RSPO2: variants seen among roughly 807,000 people sequenced by gnomAD.
RSPO2 encodes R-spondin-2.
In RSPO2, 14 loss-of-function variants were observed where a neutral mutation model predicts 30.9. That is an observed-to-expected ratio of 0.45 (90% CI 0.30 to 0.71). The LOEUF is 0.71. Among genes scored for constraint, RSPO2 ranks in the 30% least tolerant of loss-of-function variants. The pLI is 0.08. For missense variants in RSPO2, 264 were observed against 301.9 expected (o/e 0.87, Z 0.93); for synonymous variants, 107 against 96.4 (o/e 1.11, Z -0.64).
chr8:108,079,093 AAGACCAAGAC>A (rs1488058715), intron 2 of RSPO2, among the ~76,000 whole-genome samples: 1 of 152,230 alleles, frequency 6.6e-6, no homozygotes, highest in Non-Finnish European at 1.5e-5. Context: ...AAGTGGTTTC[AAGACCAAGAC>A]AGATAGTAGG....
chr8:108,028,012 A>T (rs1430023865), intron 2 of RSPO2, among the ~76,000 whole-genome samples: 1 of 152,160 alleles, frequency 6.6e-6, no homozygotes, highest in Non-Finnish European at 1.5e-5. Flanking sequence ...ACATGAAGCC[A>T]TTCTACATAT....
chr8:107,937,225 C>T (rs1383144619), intron 5 of RSPO2, among the ~76,000 whole-genome samples: 2 of 147,702 alleles, frequency 1.4e-5, no homozygotes, highest in East Asian at 4.2e-4. Flanking sequence ...TCTCAATTTT[C>T]CCAGCACCAT....
intron 2 of RSPO2, among the ~76,000 whole-genome samples, chr8:108,068,469 CA>C (rs1446769479): frequency 1.8e-4 from 27 of 152,194 alleles, no homozygotes; most frequent in African/African-American, 6.5e-4. Context: ...GTATAATTAA[CA>C]ATATTCCACA....
chr8:108,010,608 A>G (rs892300660), intron 2 of RSPO2, among the ~76,000 whole-genome samples: 3 of 152,198 alleles, frequency 2.0e-5, no homozygotes, highest in Non-Finnish European at 4.4e-5. Flanking sequence ...GAGCCTGGAC[A>G]CATGAACAGA....
intron 3 of RSPO2, among the ~76,000 whole-genome samples, chr8:107,978,696 A>C (rs973411849): frequency 2.0e-5 from 3 of 152,204 alleles, no homozygotes; most frequent in Admixed American, 6.5e-5. Context: ...TAATTAAACT[A>C]AAGAGCTTCT....
chr8:107,953,530 A>G (rs1586574322), intron 5 of RSPO2, among the ~76,000 whole-genome samples: 1 of 152,238 alleles, frequency 6.6e-6, no homozygotes, highest in South Asian at 2.1e-4. Flanking sequence ...GAGCAAAAGT[A>G]AAATGATATT....
chr8:107,917,551 T>G lies in RSPO2; in HGVS notation c.617-16361A>C, dbSNP rs141908342. 4.2e-3 allele frequency among the ~76,000 whole-genome samples: 640 copies of G among 152,324 alleles called. 4 individuals carry two copies. The highest frequency in any genetic ancestry group is 0.015 in the African/African-American group (614 of 41,574). On this transcript the variant is annotated intron_variant, in intron 5 of 5. Transcript: ENST00000276659. ...ATCCAGTGTTTTAAACCTTTGATATTTGACAAACTTTCCAAAATCAAATTA... is the reference window on the plus strand; with the variant it reads ...ATCCAGTGTTTTAAACCTTTGATATGTGACAAACTTTCCAAAATCAAATTA...
intron 5 of RSPO2, among the ~76,000 whole-genome samples, chr8:107,902,441 A>G (rs1194778808): frequency 2.0e-5 from 3 of 152,176 alleles, no homozygotes; most frequent in Non-Finnish European, 4.4e-5. Context: ...GTAAAATTAC[A>G]TAACCCAGAC....
chr8:108,026,886 T>C (rs941250782), intron 2 of RSPO2, among the ~76,000 whole-genome samples: 2 of 151,994 alleles, frequency 1.3e-5, no homozygotes, highest in Non-Finnish European at 2.9e-5. Context: ...TACTAACAAT[T>C]AAGGAATCTG....
intron 2 of RSPO2, among the ~76,000 whole-genome samples, chr8:108,016,671 T>C (rs1414546805): frequency 2.0e-5 from 3 of 152,176 alleles, no homozygotes. Flanking sequence ...TGGATGTGTG[T>C]CTCCACCAAA....
At chr8:107,914,462 T>TAAA (rs35990028) in intron 5 of RSPO2, among the ~76,000 whole-genome samples, 12,972 of 142,828 alleles carry the variant, frequency 0.091, 716 homozygotes, top group East Asian at 0.18. Context: ...ACAGAATAGG[T>TAAA]AAAAAAAAAA....
intron 2 of RSPO2, among the ~76,000 whole-genome samples, chr8:108,021,785 G>T (rs549426048): frequency 2.0e-5 from 3 of 151,450 alleles, no homozygotes; most frequent in Non-Finnish European, 4.4e-5. Flanking sequence ...AGGGGTTGGG[G>T]ACAAGGGGAG....
chr8:108,043,573 A>T (rs186813211), intron 2 of RSPO2, among the ~76,000 whole-genome samples: 1 of 147,282 alleles, frequency 6.8e-6, no homozygotes, highest in Non-Finnish European at 1.5e-5. Flanking sequence ...TTTTACTCAT[A>T]TACTTTGGGG....
intron 5 of RSPO2, among the ~76,000 whole-genome samples, chr8:107,942,758 G>T (rs1812939884): frequency 6.6e-6 from 1 of 152,060 alleles, no homozygotes; most frequent in African/African-American, 2.4e-5. Context: ...TATTGTTATT[G>T]TTGTTAAAAG....
chr8:108,027,249 GTAGT>G (rs2130625329), intron 2 of RSPO2, among the ~76,000 whole-genome samples: 1 of 152,198 alleles, frequency 6.6e-6, no homozygotes, highest in East Asian at 1.9e-4. Context: ...GGGATTCTCA[GTAGT>G]TAGATTTATC....
chr8:108,003,297 ATATATATATATATATTTTTTTT>A (rs1815324994), intron 2 of RSPO2, among the ~76,000 whole-genome samples: 1 of 23,324 alleles, frequency 4.3e-5, no homozygotes, highest in African/African-American at 2.0e-4. Flanking sequence ...ATATATATAT[ATATATATATATATATTTTTTTT>A]TTTTTTTTTT....
chr8:107,915,826 C>A (rs1339451182), intron 5 of RSPO2, among the ~76,000 whole-genome samples: 2 of 152,122 alleles, frequency 1.3e-5, no homozygotes, highest in African/African-American at 4.8e-5. Flanking sequence ...TCCCCTGCGG[C>A]CTATTGGGAA....
chr8:108,027,168 T>A (rs998714934), intron 2 of RSPO2, among the ~76,000 whole-genome samples: 6 of 152,250 alleles, frequency 3.9e-5, no homozygotes, highest in African/African-American at 1.2e-4. Context: ...GTTCAACTTC[T>A]GATATTTCTT....
intron 4 of RSPO2, among the ~76,000 whole-genome samples, chr8:107,959,666 T>C (rs186187371): frequency 3.3e-5 from 5 of 152,346 alleles, no homozygotes; most frequent in African/African-American, 1.2e-4. Flanking sequence ...ATGTGTAATG[T>C]GTGTGTCCTG....
Sources: gnomAD v4.1 joint callset for allele counts (sites outside exome capture counted in the v4.1 genomes callset) on GRCh38, gnomAD v4.1.1 for gene constraint, MANE v1.5 for transcripts, NCBI Gene and HGNC (gene_info 2026-07-23, HGNC 2026-07-21) for gene names.